DRD3: variants seen among roughly 807,000 people sequenced by gnomAD.
The protein encoded by DRD3 is dopamine receptor D3.
In DRD3, 19 loss-of-function variants were observed where a neutral mutation model predicts 36.3. That is an observed-to-expected ratio of 0.52 (90% confidence interval 0.36 to 0.77). The LOEUF is 0.77. Among genes scored for constraint, DRD3 ranks in the 30% least tolerant of loss-of-function variants. DRD3 has a pLI of 0.00. For synonymous variants in DRD3, 195 were observed against 203.7 expected, an observed-to-expected ratio of 0.96 and a Z score of 0.36; for missense variants, 465 against 505.3, an observed-to-expected ratio of 0.92 and a Z score of 0.77.
intron 2 of DRD3, among the ~76,000 whole-genome samples, chr3:114,170,532 T>G (rs1173177264): frequency 1.7e-5 from 2 of 117,630 alleles, no homozygotes; most frequent in Non-Finnish European, 3.8e-5. Flanking sequence ...CCTCAAGTAT[T>G]CCCTTAGCCT....
Position 114,147,568 on chromosome 3 carries a change from A to C in DRD3, c.384-11T>G, listed in dbSNP as rs201468393. ...ACCACTGCAGTGTACCTGAAAAAGC[A>C]AGGGGAGAGGGGATAGGCATGGTGA... On this transcript the variant is annotated splice_polypyrimidine_tract_variant and intron_variant, in intron 3 of 6. Transcript: ENST00000383673. 1.9e-6 allele frequency: 3 copies of C among 1,604,876 alleles called. No homozygotes were observed. Among genetic ancestry groups the C allele is most frequent in the Non-Finnish European group, 2.6e-6 (3 of 1,172,342 alleles).
chr3:114,154,090 A>G (rs1487516320), intron 3 of DRD3, among the ~76,000 whole-genome samples: 2 of 152,150 alleles, frequency 1.3e-5, no homozygotes, highest in African/African-American at 4.8e-5. Context: ...AGGAGATTCC[A>G]TTTCTAGTCC....
chr3:114,143,582 C>G (rs1339674973), intron 4 of DRD3, among the ~76,000 whole-genome samples: 1 of 152,184 alleles, frequency 6.6e-6, no homozygotes, highest in Non-Finnish European at 1.5e-5. Flanking sequence ...AGCTTGATTC[C>G]AAAGACATGC....
Position 114,170,492 on chromosome 3 carries a change from C to T in DRD3, c.270+1231G>A, listed in dbSNP as rs189636692. Among the ~76,000 whole-genome samples the T allele has an allele frequency of 3.6e-3, 554 of 152,206 alleles. 3 individuals are homozygous for T. Among genetic ancestry groups the T allele is most frequent in the South Asian group, 0.013 (63 of 4,812 alleles). ...CTTCACCCTCCCAACTAGGATTATC[C>T]TAACTGGGAAGAATAAATGCATATT... On this transcript the variant is annotated intron_variant, in intron 2 of 6. Coordinates refer to ENST00000383673, the MANE Select transcript of DRD3 (RefSeq NM_000796.6).
rs747608272 is a variant in DRD3, at chr3:114,159,745, G to C, written c.383+10C>G. On this transcript the variant is annotated intron_variant, in intron 3 of 6. Transcript: ENST00000383673. ...TTTTGGGCCACCTGGAAGGGGAATTGCAGCCCTACCTGTCTATGCTGATGG... is the reference window on the plus strand; with the variant it reads ...TTTTGGGCCACCTGGAAGGGGAATTCCAGCCCTACCTGTCTATGCTGATGG... 3 of 1,612,178 alleles carry C rather than the reference G, an allele frequency of 1.9e-6. No homozygotes were observed. The highest frequency in any genetic ancestry group is 2.5e-6 in the Non-Finnish European group (3 of 1,178,606).
At chr3:114,196,532 T>C (rs1223326895) in intron 1 of DRD3, among the ~76,000 whole-genome samples, 1 of 152,202 alleles carries the variant, frequency 6.6e-6, no homozygotes, top group African/African-American at 2.4e-5. Context: ...AATGACTGGG[T>C]CCTGTGATAG....
chr3:114,193,865 T>A (rs1354775867), intron 1 of DRD3, among the ~76,000 whole-genome samples: 1 of 152,220 alleles, frequency 6.6e-6, no homozygotes, highest in Non-Finnish European at 1.5e-5. Flanking sequence ...TTTGCAAATA[T>A]AAAACAGTTT....
chr3:114,170,199 G>A (rs148940839), intron 2 of DRD3, among the ~76,000 whole-genome samples: 321 of 152,194 alleles, frequency 2.1e-3, no homozygotes, highest in Middle Eastern at 0.014. Flanking sequence ...CAAATAGCTC[G>A]TCCCCAAAAG....
intron 2 of DRD3, among the ~76,000 whole-genome samples, chr3:114,161,406 T>C (rs1378750119): frequency 1.3e-5 from 2 of 152,362 alleles, no homozygotes; most frequent in East Asian, 1.9e-4. Context: ...ATTTCTGTTT[T>C]ATCCCAATAA....
At position 114,171,949 on chromosome 3, in the gene DRD3, C is replaced by G. The variant is rs1299140732; in HGVS notation, c.44G>C (p.Cys15Ser). ...GGCACCTGTGGAGTTCTCTGCCCCA[C>G]AGGTGTAGTTCAGGTGGCCACTCAG... ...SQLSGHLNYTCGAENSTGASQ... is the reference protein window; with the variant it reads ...SQLSGHLNYTSGAENSTGASQ... Residue 15 changes from cysteine (C) to serine (S), a missense_variant, in exon 2 of 7, where the codon TGT becomes TCT. Cys to Ser is a moderately radical substitution (Grantham distance 112). Transcript: ENST00000383673. 5 of 1,566,272 alleles carry G rather than the reference C, an allele frequency of 3.2e-6. No homozygotes were observed. In the Admixed American group the frequency reaches 5.6e-5, roughly 17 times the overall value.
chr3:114,197,277 A>ATTTTTTTTTTTTTTTTTTTTTTTTTTT (rs58452737), intron 1 of DRD3, among the ~76,000 whole-genome samples: 1 of 89,368 alleles, frequency 1.1e-5, no homozygotes, highest in African/African-American at 4.7e-5. Flanking sequence ...AATTAAAAAA[A>ATTTTTTTTTTTTTTTTTTTTTTTTTTT]TTTTTTTTTT....
At chr3:114,197,507 G>A (rs534316041) in intron 1 of DRD3, among the ~76,000 whole-genome samples, 55 of 152,106 alleles carry the variant, frequency 3.6e-4, no homozygotes, top group African/African-American at 1.3e-3. Flanking sequence ...GTGTTTTGAT[G>A]TCTCATATAA....
At chr3:114,185,422 T>C (rs1369075065) in intron 1 of DRD3, among the ~76,000 whole-genome samples, 1 of 152,198 alleles carries the variant, frequency 6.6e-6, no homozygotes, top group Non-Finnish European at 1.5e-5. Flanking sequence ...TTAGTTATTA[T>C]ATTTTCAGCT....
intron 3 of DRD3, among the ~76,000 whole-genome samples, chr3:114,150,471 C>T (rs1251890381): frequency 1.3e-5 from 2 of 152,240 alleles, no homozygotes; most frequent in East Asian, 3.8e-4. Context: ...ATTTTAGTTA[C>T]TTCAGGATCA....
intron 1 of DRD3, chr3:114,176,227 C>T (rs1474272595): frequency 4.6e-5 from 7 of 152,202 alleles, no homozygotes; most frequent in Non-Finnish European, 7.3e-5. Context: ...AAGACAACTA[C>T]ATCTGGGCTA....
chr3:114,135,088 T>C (rs1057277138), intron 5 of DRD3, among the ~76,000 whole-genome samples: 1 of 152,140 alleles, frequency 6.6e-6, no homozygotes, highest in Non-Finnish European at 1.5e-5. Context: ...CTCCCCCATC[T>C]CCTTCCTAGC....
At chr3:114,168,643 G>C (rs192306620) in intron 2 of DRD3, among the ~76,000 whole-genome samples, 70 of 152,156 alleles carry the variant, frequency 4.6e-4, no homozygotes, top group African/African-American at 1.6e-3. Context: ...GCTATGGCAA[G>C]ATAAAGAACT....
intron 4 of DRD3, among the ~76,000 whole-genome samples, chr3:114,142,079 A>G (rs1279393554): frequency 2.6e-5 from 4 of 151,354 alleles, no homozygotes; most frequent in African/African-American, 4.9e-5. Flanking sequence ...AAAAGAAAAG[A>G]AAAGAAAATG....
At chr3:114,153,318 A>G (rs2077636208) in intron 3 of DRD3, among the ~76,000 whole-genome samples, 3 of 151,854 alleles carry the variant, frequency 2.0e-5, no homozygotes, top group African/African-American at 4.8e-5. Context: ...CATTCAAAAG[A>G]CGGTATTATT....
Sources: gnomAD v4.1 joint callset for allele counts (sites outside exome capture counted in the v4.1 genomes callset) on GRCh38, gnomAD v4.1.1 for gene constraint, MANE v1.5 for transcripts, NCBI Gene and HGNC (gene_info 2026-07-23, HGNC 2026-07-21) for gene names.